SLC4A4: variants seen among roughly 807,000 people sequenced by gnomAD.
SLC4A4 encodes the protein electrogenic sodium bicarbonate cotransporter 1.
In SLC4A4, 27 loss-of-function variants were observed where a neutral mutation model predicts 111.5. The observed-to-expected ratio is 0.24, with a 90% CI of 0.18 to 0.33. The LOEUF is 0.33. Ranked by LOEUF, SLC4A4 falls within the 10% of genes least tolerant of loss-of-function variation. The pLI is 1.00. For missense variants in SLC4A4, 909 were observed against 1,315.5 expected (o/e 0.69, Z 4.78); for synonymous variants, 443 against 463.4 (o/e 0.96, Z 0.57).
At position 71,447,665 on chromosome 4, in the gene SLC4A4, G is replaced by T; in HGVS notation, c.985G>T (p.Gly329Cys). ...VPTRFLFILL[G>C]PKGKAKSYHE... is the part of the protein sequence containing the mutation. ...CATTAGGTTCTTGTTCATTCTCTTA[G>T]GTCCTAAGGGGAAAGCCAAGTCCTA... Residue 329 changes from glycine (G) to cysteine (C), a missense_variant, in exon 9 of 26, where the codon GGT becomes TGT. Coordinates refer to ENST00000264485, the MANE Select transcript of SLC4A4 (RefSeq NM_001098484.3). 1 of 1,611,218 alleles carries T rather than the reference G, an allele frequency of 6.2e-7. No individual in the cohort carries two copies. Among genetic ancestry groups the T allele is most frequent in the East Asian group, 2.2e-5 (1 of 44,820 alleles).
chr4:71,269,615 C>T (rs978608819), intron 3 of SLC4A4, among the ~76,000 whole-genome samples: 1 of 152,148 alleles, frequency 6.6e-6, no homozygotes, highest in African/African-American at 2.4e-5. Context: ...AGGAAATGTG[C>T]ATGGACTTAA....
upstream of SLC4A4, among the ~76,000 whole-genome samples, chr4:71,186,517 G>C (rs554525595): frequency 4.1e-4 from 62 of 152,110 alleles, no homozygotes; most frequent in Non-Finnish European, 8.4e-4. Flanking sequence ...AGGAACCTGG[G>C]AGGCAAGAGC....
intron 7 of SLC4A4, among the ~76,000 whole-genome samples, chr4:71,417,613 G>A (rs1351640398): frequency 6.6e-6 from 1 of 152,132 alleles, no homozygotes; most frequent in Non-Finnish European, 1.5e-5. Context: ...TTAAAGTGCT[G>A]TTGTCTTTAT....
At chr4:71,517,092 G>C (rs1377553759) in intron 16 of SLC4A4, among the ~76,000 whole-genome samples, 1 of 151,970 alleles carries the variant, frequency 6.6e-6, no homozygotes. Context: ...TGTTGAATCT[G>C]ATTGAAGACC....
intron 1 of SLC4A4, among the ~76,000 whole-genome samples, chr4:71,229,713 T>G (rs1056915753): frequency 6.6e-5 from 10 of 152,000 alleles, no homozygotes; most frequent in African/African-American, 2.4e-4. Context: ...TCCCCCAGTA[T>G]GGATGTCCAG....
intron 2 of SLC4A4, among the ~76,000 whole-genome samples, chr4:71,162,722 T>C (rs993938284): frequency 6.6e-6 from 1 of 152,206 alleles, no homozygotes; most frequent in Non-Finnish European, 1.5e-5. Flanking sequence ...TCTAGGTGTA[T>C]TAAAACCCAG....
chr4:71,530,653 A>C (rs1733837580), intron 16 of SLC4A4, among the ~76,000 whole-genome samples: 1 of 152,106 alleles, frequency 6.6e-6, no homozygotes, highest in African/African-American at 2.4e-5. Flanking sequence ...TCCAGGCCAA[A>C]AGGAACAGCT....
chr4:71,339,336 C>A (rs1233502882), intron 3 of SLC4A4, 34 bp from the exon 4 acceptor site: 1 of 1,614,160 alleles, frequency 6.2e-7, no homozygotes, highest in African/African-American at 1.3e-5. Context: ...GGTTGTCCAG[C>A]CAATGTTTAA....
chr4:71,119,866 A>T (rs1383365715), intron 2 of SLC4A4, among the ~76,000 whole-genome samples: 1 of 152,160 alleles, frequency 6.6e-6, no homozygotes, highest in Non-Finnish European at 1.5e-5. Flanking sequence ...CTTGATCATT[A>T]CTTCTGATGA....
At chr4:71,230,555 G>A (rs1465210702) in intron 1 of SLC4A4, among the ~76,000 whole-genome samples, 5 of 152,188 alleles carry the variant, frequency 3.3e-5, no homozygotes, top group African/African-American at 1.2e-4. Context: ...AAAGTGGGAT[G>A]AGTTGAAATA....
chr4:71,086,001 G>A (rs1742156819), intron 1 of SLC4A4, among the ~76,000 whole-genome samples: 3 of 151,976 alleles, frequency 2.0e-5, no homozygotes, highest in Admixed American at 6.6e-5. Flanking sequence ...GGGCAGTATG[G>A]CCATTTTCAC....
At chr4:71,232,006 G>A (rs182559320) in intron 1 of SLC4A4, among the ~76,000 whole-genome samples, 1 of 152,300 alleles carries the variant, frequency 6.6e-6, no homozygotes, top group East Asian at 1.9e-4. Flanking sequence ...CCTGTATTTT[G>A]TGCAGAAGCC....
chr4:71,120,530 T>A (rs1743384197), intron 2 of SLC4A4, among the ~76,000 whole-genome samples: 1 of 152,210 alleles, frequency 6.6e-6, no homozygotes, highest in Non-Finnish European at 1.5e-5. Context: ...AGTTTTGGCC[T>A]GGTAATCGCT....
At chr4:71,422,630 T>C (rs1722657465) in intron 7 of SLC4A4, among the ~76,000 whole-genome samples, 1 of 151,900 alleles carries the variant, frequency 6.6e-6, no homozygotes. Context: ...ATCAAAAAGC[T>C]TATCCACCGT....
intron 3 of SLC4A4, among the ~76,000 whole-genome samples, chr4:71,295,612 T>G (rs887987518): frequency 3.3e-5 from 5 of 152,128 alleles, no homozygotes; most frequent in Admixed American, 6.5e-5. Context: ...CAGCATCTGC[T>G]CAGTCCTCCA....
intron 3 of SLC4A4, among the ~76,000 whole-genome samples, chr4:71,283,888 G>A (rs1216874934): frequency 1.3e-5 from 2 of 152,168 alleles, no homozygotes; most frequent in Non-Finnish European, 2.9e-5. Flanking sequence ...TCCTCCTGCT[G>A]CAGATGCCTC....
chr4:71,154,260 G>C (rs996635307), intron 2 of SLC4A4, among the ~76,000 whole-genome samples: 2 of 152,158 alleles, frequency 1.3e-5, no homozygotes, highest in Non-Finnish European at 2.9e-5. Context: ...TGAAGGTATG[G>C]TAGCTAGCTC....
chr4:71,226,634 T>C (rs893660775), intron 1 of SLC4A4, among the ~76,000 whole-genome samples: 2 of 152,098 alleles, frequency 1.3e-5, no homozygotes, highest in Admixed American at 6.6e-5. Context: ...ACAGCCATTT[T>C]CCCCCCTTTC....
At chr4:71,102,584 C>T (rs1210070492) in intron 2 of SLC4A4, among the ~76,000 whole-genome samples, 1 of 152,116 alleles carries the variant, frequency 6.6e-6, no homozygotes, top group African/African-American at 2.4e-5. Flanking sequence ...GGCAGAAACT[C>T]TACAAGCCAG....
Sources: gnomAD v4.1 joint callset for allele counts (sites outside exome capture counted in the v4.1 genomes callset) on GRCh38, gnomAD v4.1.1 for gene constraint, MANE v1.5 for transcripts, NCBI Gene and HGNC (gene_info 2026-07-23, HGNC 2026-07-21) for gene names.